DGKI: variants seen among roughly 807,000 people sequenced by gnomAD.
DGKI encodes the protein DAG kinase iota.
In DGKI, 55 loss-of-function variants were observed where a neutral mutation model predicts 147.5. The ratio of observed to expected loss-of-function variants is 0.37; its 90% CI spans 0.30 to 0.47. The LOEUF (loss-of-function observed/expected upper bound fraction) is 0.47, where lower values mean the gene tolerates loss of function less well. Among genes scored for constraint, DGKI ranks in the 20% least tolerant of loss-of-function variants. The pLI is 1.00. For missense variants in DGKI, 1,007 were observed against 1,323.8 expected, an observed-to-expected ratio of 0.76 and a Z score of 3.71; for synonymous variants, 469 against 477.1, an observed-to-expected ratio of 0.98 and a Z score of 0.22.
intron 6 of DGKI, among the ~76,000 whole-genome samples, chr7:137,637,927 G>A (rs537480485): frequency 2.0e-5 from 3 of 152,008 alleles, no homozygotes; most frequent in South Asian, 4.2e-4. Flanking sequence ...TTTTACACCT[G>A]GGGCAAAGAC....
At position 137,846,769 on chromosome 7, in the gene DGKI, TGGCGGC is replaced by T. The variant is rs527683728; in HGVS notation, c.88_93del (p.Ala30_Ala31del). The T allele has an allele frequency of 1.9e-6, 2 of 1,050,534 alleles. No individual in the cohort carries two copies. The highest frequency in any genetic ancestry group is 6.8e-5 in the East Asian group (1 of 14,690). The allele number at this position is 1,050,534 out of a possible 1,614,324, so 65.1% of individuals were successfully genotyped here. A position where few individuals can be genotyped will look rare whatever the true frequency, so the allele number is the denominator to read the frequency against. On this transcript the variant is annotated inframe_deletion, in exon 1 of 33. Transcript: ENST00000614521. The surrounding 1 kb of genome is among the most constrained non-coding windows in gnomAD (Gnocchi z 4.0). Reference sequence around the variant, plus strand: ...GCGCCGCTGCAGGGGCCGGGCGGGCTGGCGGCGGCGGCGGCGGCGGCTGCAGGAGCG... The same window carrying T: ...GCGCCGCTGCAGGGGCCGGGCGGGCTGGCGGCGGCGGCGGCTGCAGGAGCG...
At chr7:137,689,275 C>G (rs1823525432) in intron 2 of DGKI, among the ~76,000 whole-genome samples, 1 of 152,220 alleles carries the variant, frequency 6.6e-6, no homozygotes, top group Non-Finnish European at 1.5e-5. Flanking sequence ...GAAACAGTTA[C>G]TCGGCCAAGA....
chr7:137,436,257 G>C (rs1482760724), intron 28 of DGKI, among the ~76,000 whole-genome samples: 2 of 152,184 alleles, frequency 1.3e-5, no homozygotes, highest in Non-Finnish European at 2.9e-5. Context: ...GGGGCTACAA[G>C]AAGTGGATCC....
intron 2 of DGKI, among the ~76,000 whole-genome samples, chr7:137,687,722 T>C (rs1823468428): frequency 6.6e-6 from 1 of 152,156 alleles, no homozygotes; most frequent in Non-Finnish European, 1.5e-5. Context: ...TTTTCCAGAG[T>C]AACATCTCAT....
chr7:137,592,826 A>G (rs1819662159), intron 12 of DGKI, among the ~76,000 whole-genome samples: 1 of 152,234 alleles, frequency 6.6e-6, no homozygotes, highest in African/African-American at 2.4e-5. Context: ...GTTAAAAGAA[A>G]TGTGCTTAAA....
intron 21 of DGKI, among the ~76,000 whole-genome samples, chr7:137,495,745 A>G (rs927000228): frequency 4.6e-5 from 7 of 152,180 alleles, no homozygotes; most frequent in Non-Finnish European, 1.0e-4. Flanking sequence ...AGGGCTTTTG[A>G]CAAAATTCAA....
chr7:137,416,058 T>C (rs769593887), intron 28 of DGKI, among the ~76,000 whole-genome samples: 3 of 151,982 alleles, frequency 2.0e-5, no homozygotes, highest in Non-Finnish European at 2.9e-5. Flanking sequence ...ATTGAAACAT[T>C]TCTCAGAATT....
chr7:137,723,622 A>C (rs1794630527), intron 1 of DGKI, among the ~76,000 whole-genome samples: 1 of 151,976 alleles, frequency 6.6e-6, no homozygotes, highest in African/African-American at 2.4e-5. Flanking sequence ...ATACAGTGAA[A>C]TCATGACAGC....
At chr7:137,606,520 C>G (rs1331443954) in intron 10 of DGKI, among the ~76,000 whole-genome samples, 1 of 152,176 alleles carries the variant, frequency 6.6e-6, no homozygotes, top group Non-Finnish European at 1.5e-5. Context: ...TCAGCACCTG[C>G]GAGCTTATTA....
In DGKI at chr7:137,690,007, A is replaced by G; in HGVS notation, c.402-5T>C. On this transcript the variant is annotated splice_region_variant and splice_polypyrimidine_tract_variant and intron_variant, in intron 1 of 32. Coordinates refer to ENST00000614521, the MANE Select transcript of DGKI (RefSeq NM_001321708.2). The stretch of plus-strand genomic sequence containing the variant: ...CCTGCCCGGGAGATTGCTTTCCTGC[A>G]GCAAGAAGAAAAACAAAAACAAAAA... 6.3e-7 allele frequency: 1 copy of G among 1,590,582 alleles called. No homozygotes were observed. Among genetic ancestry groups the G allele is most frequent in the Non-Finnish European group, 8.5e-7 (1 of 1,172,414 alleles).
At chr7:137,466,238 A>G (rs1814654171) in intron 25 of DGKI, among the ~76,000 whole-genome samples, 1 of 152,254 alleles carries the variant, frequency 6.6e-6, no homozygotes. Flanking sequence ...AGGATTTCCA[A>G]TTAACCAGGA....
intron 8 of DGKI, among the ~76,000 whole-genome samples, chr7:137,612,626 T>C (rs955818349): frequency 1.3e-5 from 2 of 152,156 alleles, no homozygotes; most frequent in Non-Finnish European, 2.9e-5. Flanking sequence ...GGATCGCTTA[T>C]CCTGCCTGGG....
chr7:137,753,851 G>A (rs1188081340), intron 1 of DGKI, among the ~76,000 whole-genome samples: 1 of 152,094 alleles, frequency 6.6e-6, no homozygotes, highest in African/African-American at 2.4e-5. Context: ...AATGCCACCA[G>A]CTCCTACAGA....
chr7:137,799,267 A>G (rs1458923768), intron 1 of DGKI, among the ~76,000 whole-genome samples: 3 of 152,178 alleles, frequency 2.0e-5, no homozygotes, highest in African/African-American at 7.2e-5. Context: ...AAAAACTTAC[A>G]TTTGCATAAT....
Position 137,552,465 on chromosome 7 carries a change from C to A in DGKI, c.2051G>T (p.Cys684Phe), listed in dbSNP as rs762496513. The change falls in exon 20 of 33, where the codon TGT becomes TTT. Residue 684 changes from cysteine to phenylalanine, a missense_variant. By Grantham distance (205) the Cys-to-Phe change is radical. This residue lies in a region of DGKI where 224 missense variants were observed against 382.7 expected (regional missense o/e 0.59). Coordinates refer to ENST00000614521, the MANE Select transcript of DGKI (RefSeq NM_001321708.2). ...SIPMQVDGEP[C>F]RLAPAMIRIS... ...CCGAATCATAGCTGGGGCCAACCTA[C>A]AGGGCTCCCCATCCACTTGCATGGG... 6.2e-7 allele frequency: 1 copy of A among 1,614,176 alleles called. No individual in the cohort carries two copies. Among genetic ancestry groups the A allele is most frequent in the South Asian group, 1.1e-5 (1 of 91,082 alleles).
rs34551145 is a variant in DGKI, at chr7:137,495,502, C to CAAA, written c.2249-7816_2249-7814dup. ...TCCTGATACCAAAACCTGGCAGAGA[C>CAAA]AAAAAAAAAAAAAAAAAAAAAAAAA... On this transcript the variant is annotated intron_variant, in intron 21 of 32. Coordinates refer to ENST00000614521, the MANE Select transcript of DGKI (RefSeq NM_001321708.2). 4.4e-4 allele frequency among the ~76,000 whole-genome samples: 25 copies of CAAA among 57,392 alleles called. 1 individual carries two copies. The highest frequency in any genetic ancestry group is 1.6e-3 in the South Asian group (2 of 1,214). 37.7% of individuals were successfully genotyped at this position (57,392 alleles called of 152,430 possible). A position where few individuals can be genotyped will look rare whatever the true frequency, so the allele number is the denominator to read the frequency against.
chr7:137,692,622 T>C (rs1363613558), intron 1 of DGKI, among the ~76,000 whole-genome samples: 1 of 152,156 alleles, frequency 6.6e-6, no homozygotes, highest in Admixed American at 6.5e-5. Flanking sequence ...GAGGAGCCAA[T>C]TGCTGAAATA....
Position 137,522,001 on chromosome 7 carries a change from G to A in DGKI, c.2148-35C>T, listed in dbSNP as rs781231745. The A allele has an allele frequency of 1.3e-5, 19 of 1,517,604 alleles. No individual in the cohort carries two copies. In the South Asian group the frequency reaches 2.2e-4, roughly 17 times the overall value. The allele number at this position is 1,517,604 out of a possible 1,614,324, so 94.0% of individuals were successfully genotyped here. A position where few individuals can be genotyped will look rare whatever the true frequency, so the allele number is the denominator to read the frequency against. On this transcript the variant is annotated intron_variant, in intron 20 of 32. Coordinates refer to ENST00000614521, the MANE Select transcript of DGKI (RefSeq NM_001321708.2). ...AAGAACCGAGTGGTCAGATACAAATGAGAGAGCGGAATTGGTAGCCATGCA... is the reference window on the plus strand; with the variant it reads ...AAGAACCGAGTGGTCAGATACAAATAAGAGAGCGGAATTGGTAGCCATGCA...
chr7:137,765,785 C>T (rs933078943), intron 1 of DGKI, among the ~76,000 whole-genome samples: 44 of 152,280 alleles, frequency 2.9e-4, no homozygotes, highest in African/African-American at 9.4e-4. Flanking sequence ...GCATACGATA[C>T]GGAGGCCTCC....
Sources: allele counts gnomAD v4.1 joint callset (sites outside exome capture counted in the v4.1 genomes callset), GRCh38; gene constraint gnomAD v4.1.1; regional missense constraint gnomAD v4.1.1; non-coding constraint Gnocchi (gnomAD v3.1); transcripts MANE v1.5; gene names NCBI Gene and HGNC (gene_info 2026-07-23, HGNC 2026-07-21).